The following MIGA1 variants were observed in gnomAD, a reference collection of about 807,000 sequenced individuals.
MIGA1 encodes family with sequence similarity 73, member A.
MIGA1 carries 58 observed loss-of-function variants against 82.0 expected under a neutral mutation model. The observed-to-expected ratio is 0.71, with a 90% CI of 0.57 to 0.88. The LOEUF (loss-of-function observed/expected upper bound fraction) is 0.88. MIGA1 is among the 40% of genes least tolerant of loss of function. MIGA1 has a pLI of 0.00. For synonymous variants in MIGA1, 249 were observed against 253.6 expected, an observed-to-expected ratio of 0.98 and a Z score of 0.17; for missense variants, 751 against 749.1, an observed-to-expected ratio of 1.00 and a Z score of -0.03.
intron 7 of MIGA1, among the ~76,000 whole-genome samples, chr1:77,821,557 GGC>G (rs1298467952): frequency 8.6e-5 from 13 of 151,944 alleles, no homozygotes; most frequent in African/African-American, 2.9e-4. Flanking sequence ...CACCATGCCT[GGC>G]TAATTTTGTA....
At chr1:77,834,334 C>A (rs1684350604) in intron 7 of MIGA1, among the ~76,000 whole-genome samples, 2 of 152,208 alleles carry the variant, frequency 1.3e-5, no homozygotes, top group South Asian at 4.1e-4. Context: ...CACAACCATG[C>A]CTGGCTAATG....
intron 7 of MIGA1, among the ~76,000 whole-genome samples, chr1:77,816,218 ACAGG>A (rs1337377797): frequency 1.3e-5 from 2 of 152,182 alleles, no homozygotes; most frequent in African/African-American, 4.8e-5. Context: ...TGCTGGGATT[ACAGG>A]CGTGGACCAC....
chr1:77,877,134 C>T lies in MIGA1; in HGVS notation c.*2070C>T, dbSNP rs1646900306. ...CAGAGGCATGTGTCACCATGTCTTA[C>T]TCCTAAAATGCATTTTTAAAAAGCG... On this transcript the variant is annotated 3_prime_UTR_variant, in exon 16 of 16. Coordinates refer to ENST00000370791, the MANE Select transcript of MIGA1 (RefSeq NM_198549.4). 6.6e-6 allele frequency: 1 copy of T among 152,146 alleles called. No homozygotes were observed. Among genetic ancestry groups the T allele is most frequent in the African/African-American group, 2.4e-5 (1 of 41,428 alleles). The allele number at this position is 152,146 out of a possible 1,614,324, so 9.4% of individuals were successfully genotyped here. A position where few individuals can be genotyped will look rare whatever the true frequency, so the allele number is the denominator to read the frequency against.
At chr1:77,843,192 G>T in intron 7 of MIGA1, 115 bp from the exon 8 acceptor site, 3 of 600,470 alleles carry the variant, frequency 5.0e-6, no homozygotes, top group South Asian at 2.8e-5. Flanking sequence ...TTTTCTTTTT[G>T]ACACTAGTAG....
intron 7 of MIGA1, among the ~76,000 whole-genome samples, chr1:77,826,650 A>G (rs1232854195): frequency 2.0e-5 from 3 of 151,894 alleles, no homozygotes; most frequent in Admixed American, 6.6e-5. Flanking sequence ...TAATTTTTTA[A>G]TTTTTTGTAG....
chr1:77,836,652 C>T (rs937859023), intron 7 of MIGA1, among the ~76,000 whole-genome samples: 4 of 152,146 alleles, frequency 2.6e-5, no homozygotes, highest in Non-Finnish European at 5.9e-5. Flanking sequence ...TATTGCTATC[C>T]TCAGTTTACG....
At chr1:77,814,902 T>C (rs1217589706) in intron 6 of MIGA1, among the ~76,000 whole-genome samples, 15 of 152,332 alleles carry the variant, frequency 9.8e-5, no homozygotes. Flanking sequence ...GTAAAGAAAC[T>C]GAATCACTAA....
In MIGA1 at chr1:77,811,903, C is replaced by T. The variant is rs540038140; in HGVS notation, c.638-1831C>T. 144 of 1,426,760 alleles carry T rather than the reference C, an allele frequency of 1.0e-4. No individual in the cohort carries two copies. The African/African-American group carries it at 1.3e-3, about 13-fold the overall frequency. The allele number at this position is 1,426,760 out of a possible 1,614,324, so 88.4% of individuals were successfully genotyped here. On this transcript the variant is annotated intron_variant, in intron 5 of 15. Transcript: ENST00000370791. ...CAGGAGGAACCGCTACGGCCACCACCGCCACCTGCCGAGGAGCCGCCCAAG... is the reference window on the plus strand; with the variant it reads ...CAGGAGGAACCGCTACGGCCACCACTGCCACCTGCCGAGGAGCCGCCCAAG...
chr1:77,838,482 CTG>C (rs1684511753), intron 7 of MIGA1, among the ~76,000 whole-genome samples: 1 of 152,104 alleles, frequency 6.6e-6, no homozygotes, highest in African/African-American at 2.4e-5. Context: ...GAGTCTCACT[CTG>C]TCACCCAGGC....
Position 77,803,303 on chromosome 1 carries a change from CATT to C in MIGA1, c.410_412del (p.Leu137del). ...TGTTCCAGTAGCAGACAGAATTTGACATTATCTTTAAGTTCTACCAAAGACAAA... is the reference window on the plus strand; with the variant it reads ...TGTTCCAGTAGCAGACAGAATTTGACATCTTTAAGTTCTACCAAAGACAAA... On this transcript the variant is annotated inframe_deletion, in exon 4 of 16. Transcript: ENST00000370791. The C allele has an allele frequency of 6.5e-7, 1 of 1,543,154 alleles. No homozygotes were observed. The highest frequency in any genetic ancestry group is 1.3e-5 in the South Asian group (1 of 77,974).
At chr1:77,791,243 T>TAAAAAAAAAAA (rs757682711) in intron 2 of MIGA1, among the ~76,000 whole-genome samples, 2 of 116,940 alleles carry the variant, frequency 1.7e-5, no homozygotes, top group Non-Finnish European at 3.6e-5. Flanking sequence ...CCCTGTCTCT[T>TAAAAAAAAAAA]AAAAAAAAAA....
At chr1:77,852,784 A>G (rs1240939525) in intron 8 of MIGA1, among the ~76,000 whole-genome samples, 5 of 152,058 alleles carry the variant, frequency 3.3e-5, no homozygotes, top group African/African-American at 9.7e-5. Context: ...TCCACCTCCT[A>G]GGTTCAAGTG....
intron 8 of MIGA1, among the ~76,000 whole-genome samples, chr1:77,846,340 A>G (rs1684838405): frequency 6.6e-6 from 1 of 152,054 alleles, no homozygotes; most frequent in Non-Finnish European, 1.5e-5. Flanking sequence ...TAATTCTTCC[A>G]TCTGTTAAAG....
At chr1:77,788,909 A>G (rs1249941403) in intron 2 of MIGA1, among the ~76,000 whole-genome samples, 1 of 152,104 alleles carries the variant, frequency 6.6e-6, no homozygotes, top group African/African-American at 2.4e-5. Flanking sequence ...GAGATTCCGT[A>G]TGACATTTAG....
rs142417843 is a variant in MIGA1 at position 77,855,865 on chromosome 1, C to T, written c.997-3073C>T. ...AGTGACAGTTTGACTTCCTCTTTAC[C>T]GACGTGGATGCCCTTTATTTCTTTC... On this transcript the variant is annotated intron_variant, in intron 8 of 15. Coordinates refer to ENST00000370791, the MANE Select transcript of MIGA1 (RefSeq NM_198549.4). Among the ~76,000 whole-genome samples the T allele has an allele frequency of 1.2e-3, 184 of 152,038 alleles. 1 individual carries two copies. Among genetic ancestry groups the T allele is most frequent in the Non-Finnish European group, 1.2e-3 (84 of 67,970 alleles).
chr1:77,813,622 T>A, intron 5 of MIGA1, 112 bp from the exon 6 acceptor site: 1 of 1,148,696 alleles, frequency 8.7e-7, no homozygotes, highest in Non-Finnish European at 1.2e-6. Context: ...TTCTTTAGTG[T>A]CAAAATTAGA....
At chr1:77,801,204 G>C (rs1682867358) in intron 2 of MIGA1, 127 bp from the exon 3 acceptor site, 1 of 611,706 alleles carries the variant, frequency 1.6e-6, no homozygotes, top group Non-Finnish European at 2.6e-6. Context: ...CATTGAAAGA[G>C]TGAAATGATA....
chr1:77,857,940 G>GT (rs1685325303), intron 8 of MIGA1, among the ~76,000 whole-genome samples: 1 of 152,084 alleles, frequency 6.6e-6, no homozygotes, highest in African/African-American at 2.4e-5. Flanking sequence ...TTTGTACTAA[G>GT]TTTTGCTTCA....
At chr1:77,785,843 T>C (rs1252109793) in intron 2 of MIGA1, among the ~76,000 whole-genome samples, 1 of 152,180 alleles carries the variant, frequency 6.6e-6, no homozygotes, top group East Asian at 1.9e-4. Context: ...TGGTGCAAGC[T>C]GTTGGTGGAT....
Sources: gnomAD v4.1 joint callset for allele counts (sites outside exome capture counted in the v4.1 genomes callset) on GRCh38, gnomAD v4.1.1 for gene constraint, MANE v1.5 for transcripts, NCBI Gene and HGNC (gene_info 2026-07-23, HGNC 2026-07-21) for gene names.